The following BLMH variants were observed in gnomAD, a reference collection of about 807,000 sequenced individuals.
BLMH encodes the protein bleomycin hydrolase.
In BLMH, 32 loss-of-function variants were observed where a neutral mutation model predicts 61.6. The ratio of observed to expected loss-of-function variants is 0.52; its 90% CI spans 0.39 to 0.70. The LOEUF is 0.70. Among genes scored for constraint, BLMH ranks in the 30% least tolerant of loss-of-function variants. BLMH has a pLI of 0.00. For missense variants in BLMH, 460 were observed against 555.5 expected (o/e 0.83, Z 1.73); for synonymous variants, 183 against 193.8 (o/e 0.94, Z 0.46).
chr17:30,278,945 G>A (rs868376367), intron 6 of BLMH, among the ~76,000 whole-genome samples: 6 of 152,184 alleles, frequency 3.9e-5, no homozygotes, highest in Non-Finnish European at 5.9e-5. Flanking sequence ...GATTATAGGC[G>A]TAAGCCGCCA....
At position 30,291,316 on chromosome 17, in the gene BLMH, C is replaced by T. The variant is rs886353866; in HGVS notation, c.206G>A (p.Ser69Asn). ...GGAGAAGTGGAAGCCCACACCTGAG[C>T]TCTTCTGGTTGGTGATTGGCTTGCC... is the stretch of plus-strand genomic sequence containing the variant. Reference protein sequence around the residue: ...QEGKPITNQKSSGRCWIFSCL... With the variant: ...QEGKPITNQKNSGRCWIFSCL... The change falls in exon 2 of 12, where the codon AGC becomes AAC. Residue 69 changes from serine to asparagine, a missense_variant. Coordinates refer to ENST00000261714, the MANE Select transcript of BLMH (RefSeq NM_000386.4). The T allele has an allele frequency of 2.5e-6, 4 of 1,611,504 alleles. No homozygotes were observed. Among genetic ancestry groups the T allele is most frequent in the Non-Finnish European group, 1.7e-6 (2 of 1,179,578 alleles).
intron 4 of BLMH, among the ~76,000 whole-genome samples, chr17:30,287,580 C>T (rs1038321471): frequency 2.6e-5 from 4 of 152,172 alleles, no homozygotes; most frequent in Non-Finnish European, 5.9e-5. Flanking sequence ...CTTAATACTA[C>T]CTTTTCTTCT....
At chr17:30,288,909 GTGAGC>G (rs1908806755) in intron 3 of BLMH, among the ~76,000 whole-genome samples, 1 of 152,162 alleles carries the variant, frequency 6.6e-6, no homozygotes, top group Non-Finnish European at 1.5e-5. Flanking sequence ...AGAGGTTACA[GTGAGC>G]CGAGACTGTG....
intron 6 of BLMH, among the ~76,000 whole-genome samples, chr17:30,283,948 T>A (rs923780115): frequency 3.3e-5 from 5 of 152,224 alleles, no homozygotes; most frequent in African/African-American, 9.6e-5. Flanking sequence ...CCAGGCACTA[T>A]GCCTTGCATG....
chr17:30,277,117 T>A (rs979298215), intron 6 of BLMH, among the ~76,000 whole-genome samples: 1 of 152,220 alleles, frequency 6.6e-6, no homozygotes, highest in African/African-American at 2.4e-5. Flanking sequence ...TTTTGTTTTG[T>A]TCTGTTTTCC....
Position 30,249,179 on chromosome 17 carries a change from G to T in BLMH, c.1217-11C>A. On this transcript the variant is annotated splice_polypyrimidine_tract_variant and intron_variant, in intron 11 of 11. Transcript: ENST00000261714. ...TCATGCACAGGTAACCTGGAGAAAA[G>T]AACAGAAGACTTATGAGTCCAGAGG... is the stretch of plus-strand genomic sequence containing the variant. 2 of 1,613,944 alleles carry T rather than the reference G, an allele frequency of 1.2e-6. No individual in the cohort carries two copies. Among genetic ancestry groups the T allele is most frequent in the Non-Finnish European group, 1.7e-6 (2 of 1,179,876 alleles).
intron 11 of BLMH, among the ~76,000 whole-genome samples, chr17:30,261,411 G>A (rs1429572146): frequency 6.6e-6 from 1 of 152,186 alleles, no homozygotes; most frequent in Non-Finnish European, 1.5e-5. Context: ...GAAGCAAGAT[G>A]CCCTGTAGCT....
intron 2 of BLMH, among the ~76,000 whole-genome samples, chr17:30,290,131 A>G (rs1043196674): frequency 6.6e-6 from 1 of 152,250 alleles, no homozygotes; most frequent in African/African-American, 2.4e-5. Flanking sequence ...ACTAGTGCCT[A>G]TTAGTTCGTC....
In BLMH at chr17:30,289,519, T is replaced by C. The variant is rs372929274; in HGVS notation, c.212-37A>G. The C allele has an allele frequency of 4.1e-6, 6 of 1,447,304 alleles. No individual in the cohort carries two copies. The East Asian group carries it at 1.4e-4, about 34-fold the overall frequency. 89.7% of individuals were successfully genotyped at this position (1,447,304 alleles called of 1,614,324 possible). A position where few individuals can be genotyped will look rare whatever the true frequency, so the allele number is the denominator to read the frequency against. On this transcript the variant is annotated intron_variant, in intron 2 of 11. Coordinates refer to ENST00000261714, the MANE Select transcript of BLMH (RefSeq NM_000386.4). ...AAGCACATCAAGAAATTATGAGGGT[T>C]CACATAGACTGCACTGCTCCAACTG...
chr17:30,262,803 A>AAAAAC (rs1441537179), intron 11 of BLMH, among the ~76,000 whole-genome samples: 3 of 152,296 alleles, frequency 2.0e-5, no homozygotes, highest in South Asian at 4.1e-4. Flanking sequence ...TCAAAAAAGC[A>AAAAAC]AAAACAAAAC....
intron 11 of BLMH, among the ~76,000 whole-genome samples, chr17:30,261,241 C>G (rs374519229): frequency 3.0e-4 from 45 of 152,332 alleles, no homozygotes; most frequent in East Asian, 2.9e-3. Flanking sequence ...AATTCTATCT[C>G]TGATTCTGTG....
chr17:30,262,418 G>C (rs1238797170), intron 11 of BLMH, among the ~76,000 whole-genome samples: 1 of 152,120 alleles, frequency 6.6e-6, no homozygotes, highest in Non-Finnish European at 1.5e-5. Flanking sequence ...ACTGAAGGTG[G>C]GTGACAGGCA....
chr17:30,254,372 AAGAAAGGCTCCC>A (rs1367097223), intron 11 of BLMH, among the ~76,000 whole-genome samples: 4 of 152,222 alleles, frequency 2.6e-5, no homozygotes, highest in Middle Eastern at 3.2e-3. Context: ...CTCAAGGTTG[AAGAAAGGCTCCC>A]AGAAAGGAAA....
chr17:30,273,906 G>C, intron 7 of BLMH, 136 bp downstream of exon 7: 2 of 1,090,084 alleles, frequency 1.8e-6, no homozygotes, highest in Non-Finnish European at 1.3e-6. Context: ...AAATACTTCA[G>C]AGGAAGTGGG....
chr17:30,249,088 C>G lies in BLMH; in HGVS notation c.1297G>C (p.Val433Leu). ...VVDRKHVPEE[V>L]LAVLEQEPII... ...GGTTCCTGCTCTAACACAGCTAGCA[C>G]CTCTTCAGGGACATGCTTCCTGTCC... The change falls in exon 12 of 12, where the codon GTG becomes CTG. Residue 433 changes from valine to leucine, a missense_variant. Physicochemically the swap from Val to Leu is conservative, Grantham distance 32. Around this residue, in one of 5 missense-constraint regions of BLMH, gnomAD observed 310 missense variants for 371.1 expected, o/e 0.84. Coordinates refer to ENST00000261714, the MANE Select transcript of BLMH (RefSeq NM_000386.4). 2 of 1,614,110 alleles carry G rather than the reference C, an allele frequency of 1.2e-6. No homozygotes were observed. The highest frequency in any genetic ancestry group is 1.7e-6 in the Non-Finnish European group (2 of 1,179,978).
At chr17:30,278,583 T>C (rs1908487182) in intron 6 of BLMH, among the ~76,000 whole-genome samples, 1 of 152,234 alleles carries the variant, frequency 6.6e-6, no homozygotes, top group African/African-American at 2.4e-5. Context: ...TAGGTATTCT[T>C]TTCTGTGTTG....
intron 6 of BLMH, among the ~76,000 whole-genome samples, chr17:30,275,361 A>G (rs954524845): frequency 6.6e-6 from 1 of 152,212 alleles, no homozygotes; most frequent in African/African-American, 2.4e-5. Flanking sequence ...TTTTCATTTT[A>G]TAGAAATGCA....
chr17:30,250,638 G>A (rs1907645136), intron 11 of BLMH, among the ~76,000 whole-genome samples: 1 of 152,160 alleles, frequency 6.6e-6, no homozygotes, highest in African/African-American at 2.4e-5. Context: ...AATGCTGGTG[G>A]GAATATAAAC....
At chr17:30,249,987 T>G (rs996946784) in intron 11 of BLMH, 3 of 152,174 alleles carry the variant, frequency 2.0e-5, no homozygotes, top group Non-Finnish European at 4.4e-5. Context: ...TTGCCTTCCA[T>G]AAGGAGGATT....
Sources: allele counts gnomAD v4.1 joint callset (sites outside exome capture counted in the v4.1 genomes callset), GRCh38; gene constraint gnomAD v4.1.1; regional missense constraint gnomAD v4.1.1; transcripts MANE v1.5; gene names NCBI Gene and HGNC (gene_info 2026-07-23, HGNC 2026-07-21).